OCA2: variants seen among roughly 807,000 people sequenced by gnomAD.
OCA2 encodes the protein OCA2 melanosomal transmembrane protein.
Under a neutral mutation model 100.2 loss-of-function variants are expected in OCA2, and 77 were observed. The ratio of observed to expected loss-of-function variants is 0.77; its 90% CI spans 0.64 to 0.93. OCA2 has a LOEUF of 0.93. Among genes scored for constraint, OCA2 ranks in the 40% least tolerant of loss-of-function variants. OCA2 has a pLI of 0.00. For synonymous variants in OCA2, 432 were observed against 439.2 expected (o/e 0.98, Z 0.21); for missense variants, 1,062 against 1,089.1 (o/e 0.98, Z 0.35).
chr15:27,768,344 A>G (rs1228868343), intron 23 of OCA2, among the ~76,000 whole-genome samples: 1 of 152,202 alleles, frequency 6.6e-6, no homozygotes. Context: ...GAGAGAATCG[A>G]GTATGGGACT....
At chr15:27,770,381 C>T (rs1421329662) in intron 23 of OCA2, among the ~76,000 whole-genome samples, 1 of 152,204 alleles carries the variant, frequency 6.6e-6, no homozygotes, top group Non-Finnish European at 1.5e-5. Context: ...AGACCTCCAG[C>T]CGTGTGTGGC....
At chr15:28,058,452 T>C (rs1021456870) in intron 2 of OCA2, among the ~76,000 whole-genome samples, 1 of 152,152 alleles carries the variant, frequency 6.6e-6, no homozygotes, top group Non-Finnish European at 1.5e-5. Flanking sequence ...GCAGGAATCA[T>C]GCAGGAGGTA....
intron 23 of OCA2, among the ~76,000 whole-genome samples, chr15:27,839,511 G>T (rs977602220): frequency 6.6e-6 from 1 of 152,194 alleles, no homozygotes; most frequent in African/African-American, 2.4e-5. Context: ...CAAGTGATTT[G>T]TGATTCCAAT....
rs2040586410 is a variant in OCA2 at position 27,966,839 on chromosome 15, G to C, written c.1504-17C>G. 17 of 1,603,842 alleles carry C rather than the reference G, an allele frequency of 1.1e-5. No homozygotes were observed. Among genetic ancestry groups the C allele is most frequent in the Non-Finnish European group, 1.4e-5 (17 of 1,174,972 alleles). On this transcript the variant is annotated splice_polypyrimidine_tract_variant and intron_variant, in intron 14 of 23. Coordinates refer to ENST00000354638, the MANE Select transcript of OCA2 (RefSeq NM_000275.3). ...GTCCAGGCCCTGGAAATAAACAAGG[G>C]GAAATGAAATGGCAGCCCAGGCATG...
chr15:28,038,517 C>G (rs1473199024), intron 2 of OCA2, among the ~76,000 whole-genome samples: 1 of 152,102 alleles, frequency 6.6e-6, no homozygotes, highest in Non-Finnish European at 1.5e-5. Flanking sequence ...AGTCACAGAA[C>G]AGGGAGAGTA....
At chr15:28,098,446 T>G (rs2045025579) in intron 1 of OCA2, among the ~76,000 whole-genome samples, 1 of 152,202 alleles carries the variant, frequency 6.6e-6, no homozygotes, top group Admixed American at 6.5e-5. Context: ...CTGGTTTAGG[T>G]AGACAGCAGC....
chr15:27,845,349 A>G (rs1362875890), intron 22 of OCA2, among the ~76,000 whole-genome samples: 1 of 152,202 alleles, frequency 6.6e-6, no homozygotes, highest in Non-Finnish European at 1.5e-5. Flanking sequence ...TGTCTTTCAG[A>G]GAAAAACACA....
At chr15:27,916,538 T>C (rs556537063) in intron 19 of OCA2, among the ~76,000 whole-genome samples, 21 of 152,238 alleles carry the variant, frequency 1.4e-4, no homozygotes, top group African/African-American at 4.3e-4. Context: ...ACAAGTAAAA[T>C]AACACTCCTT....
At chr15:27,877,309 G>A (rs1368706589) in intron 19 of OCA2, among the ~76,000 whole-genome samples, 1 of 151,874 alleles carries the variant, frequency 6.6e-6, no homozygotes. Context: ...GTGGTTGTTG[G>A]ATATAGTGTT....
At chr15:28,071,916 AC>A (rs1290069506) in intron 2 of OCA2, among the ~76,000 whole-genome samples, 1 of 152,216 alleles carries the variant, frequency 6.6e-6, no homozygotes, top group Non-Finnish European at 1.5e-5. Flanking sequence ...GACAAGTGGG[AC>A]CTAATTAAAC....
intron 23 of OCA2, among the ~76,000 whole-genome samples, chr15:27,761,201 AC>A (rs1345649651): frequency 6.6e-6 from 1 of 152,128 alleles, no homozygotes; most frequent in Non-Finnish European, 1.5e-5. Flanking sequence ...AAAAAGCAAA[AC>A]AAAACATTTC....
intron 23 of OCA2, among the ~76,000 whole-genome samples, chr15:27,783,931 C>T (rs1203733047): frequency 1.3e-5 from 2 of 152,174 alleles, no homozygotes; most frequent in African/African-American, 4.8e-5. Flanking sequence ...CCCACTGCCT[C>T]CAGGGGAAGG....
chr15:27,918,181 C>A (rs1201908321), intron 19 of OCA2, among the ~76,000 whole-genome samples: 1 of 150,546 alleles, frequency 6.6e-6, no homozygotes, highest in African/African-American at 2.5e-5. Context: ...GAAACCTCCA[C>A]CTCCTGGATT....
chr15:28,004,257 C>T (rs1024121165), intron 9 of OCA2, among the ~76,000 whole-genome samples: 2 of 152,230 alleles, frequency 1.3e-5, no homozygotes, highest in Non-Finnish European at 2.9e-5. Flanking sequence ...GCTCCGCCCC[C>T]TCTCAGCCCC....
At chr15:28,015,982 T>G (rs987417792) in intron 8 of OCA2, 122 bp downstream of exon 8, 3 of 769,402 alleles carry the variant, frequency 3.9e-6, no homozygotes, top group Non-Finnish European at 4.7e-6. Flanking sequence ...ATGAGTGCCG[T>G]GTCCAAGTCA....
intron 23 of OCA2, among the ~76,000 whole-genome samples, chr15:27,841,746 A>G (rs1339995250): frequency 6.6e-6 from 1 of 152,200 alleles, no homozygotes; most frequent in South Asian, 2.1e-4. Flanking sequence ...GGCAAAGGAT[A>G]TGAATAGAAA....
chr15:27,886,933 G>A (rs750485168), intron 19 of OCA2, among the ~76,000 whole-genome samples: 2 of 152,144 alleles, frequency 1.3e-5, no homozygotes, highest in Non-Finnish European at 2.9e-5. Context: ...ATCTCATCTG[G>A]TAGCTCCCAT....
chr15:27,942,209 TATATA>T (rs899246878), intron 18 of OCA2, among the ~76,000 whole-genome samples: 79 of 148,580 alleles, frequency 5.3e-4, no homozygotes, highest in African/African-American at 1.7e-3. Context: ...TATATTACTA[TATATA>T]ATATATGATA....
At chr15:27,797,638 A>T (rs1465534559) in intron 23 of OCA2, among the ~76,000 whole-genome samples, 2 of 152,210 alleles carry the variant, frequency 1.3e-5, no homozygotes, top group Non-Finnish European at 2.9e-5. Flanking sequence ...AATGAATAGT[A>T]TAAGTTTAAT....
Sources: gnomAD v4.1 joint callset for allele counts (sites outside exome capture counted in the v4.1 genomes callset) on GRCh38, gnomAD v4.1.1 for gene constraint, MANE v1.5 for transcripts, NCBI Gene and HGNC (gene_info 2026-07-23, HGNC 2026-07-21) for gene names.